Variants in CSMD1 observed in about 807,000 individuals in gnomAD.
CSMD1 encodes the protein CUB and Sushi multiple domains 1.
Under a neutral mutation model 417.5 loss-of-function variants are expected in CSMD1, and 213 were observed. That is an observed-to-expected ratio of 0.51 (90% CI 0.46 to 0.57). The LOEUF (loss-of-function observed/expected upper bound fraction) is 0.57. Ranked by LOEUF, CSMD1 falls within the 20% of genes least tolerant of loss-of-function variation. CSMD1 has a pLI of 0.00. For synonymous variants in CSMD1, 2,862 were observed against 1,736.8 expected (o/e 1.65, Z -16.11); for missense variants, 6,923 against 4,529.7 (o/e 1.53, Z -15.17).
Position 4,175,145 on chromosome 8 carries a change from C to A in CSMD1, c.416-143046G>T, listed in dbSNP as rs187266245. On this transcript the variant is annotated intron_variant, in intron 3 of 69. Transcript: ENST00000635120. ...TCTGAGGAATAGTGTAAGACCTCGA[C>A]CATCAAGAAAGATCATTGTTGAAAA... Among the ~76,000 whole-genome samples the A allele has an allele frequency of 8.5e-4, 129 of 152,056 alleles. 1 individual carries two copies. Among genetic ancestry groups the A allele is most frequent in the African/African-American group, 2.9e-3 (120 of 41,456 alleles).
In CSMD1 at chr8:4,294,972, T is replaced by C. The variant is rs77334665; in HGVS notation, c.415+124981A>G. 2.6e-3 allele frequency among the ~76,000 whole-genome samples: 386 copies of C among 151,056 alleles called. 14 individuals are homozygous for C. The East Asian group carries it at 0.063, about 25-fold the overall frequency. On this transcript the variant is annotated intron_variant, in intron 3 of 69. Transcript: ENST00000635120. Reference sequence around the variant, plus strand: ...TAAAGTGCCAAGGATATTTTTCTTATATTTTGCCAAGTCACCTGATCTGAA... The same window carrying C: ...TAAAGTGCCAAGGATATTTTTCTTACATTTTGCCAAGTCACCTGATCTGAA...
intron 2 of CSMD1, among the ~76,000 whole-genome samples, chr8:4,574,530 G>T: frequency 6.6e-6 from 1 of 152,178 alleles, no homozygotes; most frequent in East Asian, 1.9e-4. Context: ...CTTCTGTGAT[G>T]GTCTCACTGG....
At chr8:4,133,933 A>G (rs1803264374) in intron 3 of CSMD1, among the ~76,000 whole-genome samples, 1 of 152,180 alleles carries the variant, frequency 6.6e-6, no homozygotes, top group Non-Finnish European at 1.5e-5. Context: ...TAAAATCTTG[A>G]TGTTTTCTTT....
At chr8:4,174,411 G>A (rs768356233) in intron 3 of CSMD1, among the ~76,000 whole-genome samples, 8 of 151,684 alleles carry the variant, frequency 5.3e-5, no homozygotes, top group Admixed American at 2.6e-4. Context: ...AAGAGAAATT[G>A]CACTTCACCG....
intron 20 of CSMD1, 87 bp from the exon 21 acceptor site, chr8:3,359,427 A>T (rs1585049731): frequency 1.0e-5 from 1 of 97,714 alleles, no homozygotes; most frequent in Non-Finnish European, 1.8e-5. Flanking sequence ...TGCTATTACT[A>T]AAAAAAAAAA....
At chr8:2,990,991 T>C (rs1379136757) in intron 54 of CSMD1, among the ~76,000 whole-genome samples, 1 of 152,188 alleles carries the variant, frequency 6.6e-6, no homozygotes, top group African/African-American at 2.4e-5. Context: ...TAGATTGCTT[T>C]CCATAGGGTA....
intron 5 of CSMD1, among the ~76,000 whole-genome samples, chr8:3,869,712 G>C (rs1030096808): frequency 2.0e-5 from 3 of 152,118 alleles, no homozygotes; most frequent in Non-Finnish European, 4.4e-5. Context: ...ATGTGGGGAA[G>C]CTCATCCTGG....
chr8:3,094,262 C>T (rs753497412), intron 47 of CSMD1, among the ~76,000 whole-genome samples: 4 of 151,992 alleles, frequency 2.6e-5, no homozygotes, highest in Non-Finnish European at 5.9e-5. Context: ...CCTGCCACCG[C>T]GCCCAGCTAA....
At chr8:3,280,548 C>T (rs1802654028) in intron 26 of CSMD1, among the ~76,000 whole-genome samples, 1 of 152,120 alleles carries the variant, frequency 6.6e-6, no homozygotes, top group African/African-American at 2.4e-5. Context: ...ATGAGTATTT[C>T]TGAAAATTTA....
At chr8:3,785,169 C>T (rs34621593) in intron 5 of CSMD1, among the ~76,000 whole-genome samples, 4,830 of 152,268 alleles carry the variant, frequency 0.032, 97 homozygotes, top group Non-Finnish European at 0.049. Flanking sequence ...TAGTGCCTGT[C>T]TGCATGATGG....
At position 3,454,059 on chromosome 8, in the gene CSMD1, T is replaced by G. The variant is rs935891033; in HGVS notation, c.1561+14653A>C. Among the ~76,000 whole-genome samples the G allele has an allele frequency of 2.0e-5, 3 of 152,320 alleles. No homozygotes were observed. The South Asian group carries it at 6.2e-4, about 32-fold the overall frequency. On this transcript the variant is annotated intron_variant, in intron 12 of 69. Coordinates refer to ENST00000635120, the MANE Select transcript of CSMD1 (RefSeq NM_033225.6). ...TCTTGTTGAATTGATCCCTTTACCA[T>G]TATGTAATGGCCTTCTTTGTCTCTT... is the stretch of plus-strand genomic sequence containing the variant.
intron 7 of CSMD1, among the ~76,000 whole-genome samples, chr8:3,618,531 C>A (rs1316893993): frequency 6.6e-6 from 1 of 151,542 alleles, no homozygotes. Flanking sequence ...ATATTGAATT[C>A]CAAAATTTTA....
At chr8:4,393,069 G>C (rs763795197) in intron 3 of CSMD1, among the ~76,000 whole-genome samples, 8 of 152,122 alleles carry the variant, frequency 5.3e-5, no homozygotes, top group Non-Finnish European at 1.2e-4. Flanking sequence ...TCCGCCTCCG[G>C]GGTTCAAGCG....
chr8:4,404,581 T>G (rs1326509134), intron 3 of CSMD1, among the ~76,000 whole-genome samples: 1 of 152,150 alleles, frequency 6.6e-6, no homozygotes. Context: ...TCACTTAAAT[T>G]TTAGCTAGTA....
At chr8:3,134,937 T>C (rs932339566) in intron 41 of CSMD1, among the ~76,000 whole-genome samples, 8 of 152,188 alleles carry the variant, frequency 5.3e-5, no homozygotes, top group African/African-American at 1.9e-4. Context: ...GTCATTATTA[T>C]TACTGAGACA....
At chr8:4,897,754 G>T (rs1211840656) in intron 1 of CSMD1, among the ~76,000 whole-genome samples, 1 of 151,964 alleles carries the variant, frequency 6.6e-6, no homozygotes, top group African/African-American at 2.4e-5. Context: ...AACTGTTACT[G>T]CATTATGTTA....
At chr8:4,115,951 A>G (rs1802111836) in intron 3 of CSMD1, among the ~76,000 whole-genome samples, 1 of 151,244 alleles carries the variant, frequency 6.6e-6, no homozygotes, top group Non-Finnish European at 1.5e-5. Flanking sequence ...CCAAGAAAAC[A>G]GGGTTTTCAT....
intron 1 of CSMD1, chr8:4,787,207 C>T (rs1797448021): frequency 2.1e-6 from 1 of 468,938 alleles, no homozygotes; most frequent in Non-Finnish European, 4.0e-6. Flanking sequence ...CGCGGGGCCC[C>T]GCCAGGGGGC....
chr8:3,070,022 C>A (rs1350044636), intron 49 of CSMD1, among the ~76,000 whole-genome samples: 1 of 152,204 alleles, frequency 6.6e-6, no homozygotes, highest in Admixed American at 6.5e-5. Flanking sequence ...CTGAGCTGCA[C>A]CTGGGCACTT....
Sources: gnomAD v4.1 joint callset for allele counts (sites outside exome capture counted in the v4.1 genomes callset) on GRCh38, gnomAD v4.1.1 for gene constraint, MANE v1.5 for transcripts, NCBI Gene and HGNC (gene_info 2026-07-23, HGNC 2026-07-21) for gene names.